Variants in NAV3 observed in about 807,000 individuals in gnomAD.
NAV3 encodes the protein neuron navigator 3.
In NAV3, 87 loss-of-function variants were observed where a neutral mutation model predicts 244.7. That is an observed-to-expected ratio of 0.36 (90% CI 0.30 to 0.42). NAV3 has a LOEUF of 0.42. NAV3 is among the 20% of genes least tolerant of loss of function. The pLI is 1.00. For missense variants in NAV3, 2,663 were observed against 2,893.3 expected, an observed-to-expected ratio of 0.92 and a Z score of 1.83; for synonymous variants, 1,126 against 1,042.2, an observed-to-expected ratio of 1.08 and a Z score of -1.55.
chr12:77,932,277 T>C (rs1888886391), intron 1 of NAV3, among the ~76,000 whole-genome samples: 1 of 152,190 alleles, frequency 6.6e-6, no homozygotes, highest in African/African-American at 2.4e-5. Flanking sequence ...GTCCTGGCTT[T>C]TGATGGGAGA....
chr12:77,764,698 A>T (rs1869651726), intron 2 of NAV3, among the ~76,000 whole-genome samples: 2 of 152,232 alleles, frequency 1.3e-5, no homozygotes, highest in Non-Finnish European at 2.9e-5. Flanking sequence ...AGCTTCACTG[A>T]ATTTTATTAT....
intron 3 of NAV3, among the ~76,000 whole-genome samples, chr12:77,954,913 C>A (rs1891225714): frequency 6.6e-6 from 1 of 152,066 alleles, no homozygotes; most frequent in African/African-American, 2.4e-5. Flanking sequence ...GTATTCATTG[C>A]AATACTGATC....
intron 2 of NAV3, among the ~76,000 whole-genome samples, chr12:77,685,079 A>T (rs907396259): frequency 1.3e-5 from 2 of 152,070 alleles, no homozygotes; most frequent in Non-Finnish European, 2.9e-5. Flanking sequence ...CTCTAATTTC[A>T]TTCTTCCTTT....
intron 2 of NAV3, among the ~76,000 whole-genome samples, chr12:77,751,620 C>G (rs887125323): frequency 6.6e-6 from 1 of 152,168 alleles, no homozygotes; most frequent in East Asian, 1.9e-4. Flanking sequence ...GAGGCCCCCC[C>G]AGCCATGCCT....
chr12:77,873,145 A>C (rs1174290007), intron 1 of NAV3, among the ~76,000 whole-genome samples: 2 of 152,116 alleles, frequency 1.3e-5, no homozygotes, highest in Admixed American at 6.6e-5. Flanking sequence ...TTCCTTCTTC[A>C]CCTTCCACCA....
chr12:78,087,815 T>A (rs1032478564), intron 12 of NAV3, among the ~76,000 whole-genome samples: 2 of 152,086 alleles, frequency 1.3e-5, no homozygotes, highest in East Asian at 3.9e-4. Flanking sequence ...TATTTATTTG[T>A]CCCAGTTTCA....
intron 2 of NAV3, among the ~76,000 whole-genome samples, chr12:77,677,107 C>G (rs796078681): frequency 8.5e-5 from 13 of 152,244 alleles, no homozygotes; most frequent in African/African-American, 2.6e-4. Flanking sequence ...TTAACCCATC[C>G]CCACATTTAA....
At chr12:78,056,689 A>G (rs1883559890) in intron 11 of NAV3, among the ~76,000 whole-genome samples, 1 of 152,178 alleles carries the variant, frequency 6.6e-6, no homozygotes, top group Non-Finnish European at 1.5e-5. Context: ...AGATCTCACC[A>G]CTGCACCCCA....
chr12:77,623,154 G>A (rs1871457806), intron 2 of NAV3, among the ~76,000 whole-genome samples: 1 of 152,050 alleles, frequency 6.6e-6, no homozygotes, highest in East Asian at 1.9e-4. Context: ...ATTTGTAAGA[G>A]CATGAATATG....
At chr12:77,697,784 T>A (rs894317032) in intron 2 of NAV3, among the ~76,000 whole-genome samples, 1 of 152,116 alleles carries the variant, frequency 6.6e-6, no homozygotes, top group African/African-American at 2.4e-5. Context: ...ATGCCATTAG[T>A]TAAGAAATAA....
Position 78,104,777 on chromosome 12 carries a change from T to A in NAV3, c.2637-11995T>A, listed in dbSNP as rs1416559330. ...CTACCACAGTCTTCCTGATCACTGA[T>A]CTGTTCTAAATCTCTATAGCATTTT... On this transcript the variant is annotated intron_variant, in intron 12 of 39. Transcript: ENST00000397909. 2.6e-5 allele frequency among the ~76,000 whole-genome samples: 4 copies of A among 152,190 alleles called. No homozygotes were observed. In the South Asian group the frequency reaches 8.3e-4, roughly 31 times the overall value.
chr12:77,699,463 G>A lies in NAV3; in HGVS notation c.72+127197G>A, dbSNP rs558720604. Among the ~76,000 whole-genome samples, 5 of 152,230 alleles carry A rather than the reference G, an allele frequency of 3.3e-5. No individual in the cohort carries two copies. In the South Asian group the frequency reaches 1.0e-3, roughly 32 times the overall value. ...TTACGTCCTTGGATTCTGTAATCAG[G>A]AATTTGGACACAGCATGGTAGGGAT... On this transcript the variant is annotated intron_variant, in intron 2 of 8. Coordinates refer to the NAV3 transcript ENST00000550042.
intron 15 of NAV3, 32 bp from the exon 16 acceptor site, chr12:78,121,908 A>G (rs2138676029): frequency 6.2e-7 from 1 of 1,607,354 alleles, no homozygotes; most frequent in South Asian, 1.1e-5. Context: ...GCTTCTTGGA[A>G]CAACTGAAGT....
intron 1 of NAV3, among the ~76,000 whole-genome samples, chr12:77,926,718 G>A (rs1366355464): frequency 2.0e-5 from 3 of 152,162 alleles, no homozygotes; most frequent in South Asian, 2.1e-4. Flanking sequence ...TACCAGTCTC[G>A]GATTCAATAG....
chr12:77,603,652 C>T (rs1337366161), intron 2 of NAV3, among the ~76,000 whole-genome samples: 2 of 150,822 alleles, frequency 1.3e-5, no homozygotes, highest in African/African-American at 2.4e-5. Flanking sequence ...GATCTGCTTT[C>T]AGGTACTTTG....
chr12:77,751,092 T>G (rs890484151), intron 2 of NAV3, among the ~76,000 whole-genome samples: 1 of 152,206 alleles, frequency 6.6e-6, no homozygotes, highest in Non-Finnish European at 1.5e-5. Flanking sequence ...AGATCTTAGT[T>G]TGAATGAACT....
chr12:77,801,114 C>A (rs1398273363), intron 2 of NAV3, among the ~76,000 whole-genome samples: 1 of 151,964 alleles, frequency 6.6e-6, no homozygotes, highest in Non-Finnish European at 1.5e-5. Context: ...TCTCACAGTT[C>A]CCACAACAAA....
At chr12:77,952,874 C>A (rs1272568590) in intron 3 of NAV3, among the ~76,000 whole-genome samples, 1 of 151,998 alleles carries the variant, frequency 6.6e-6, no homozygotes, top group African/African-American at 2.4e-5. Context: ...ATGAATTTGG[C>A]AAATAATAAG....
intron 2 of NAV3, among the ~76,000 whole-genome samples, chr12:77,727,638 G>A (rs764749214): frequency 1.8e-4 from 27 of 151,942 alleles, no homozygotes; most frequent in Admixed American, 2.6e-4. Context: ...GAGTTTAGAA[G>A]TGTGATATGA....
Sources: allele counts gnomAD v4.1 joint callset (sites outside exome capture counted in the v4.1 genomes callset), GRCh38; gene constraint gnomAD v4.1.1; transcripts MANE v1.5; gene names NCBI Gene and HGNC (gene_info 2026-07-23, HGNC 2026-07-21).